The following IQSEC3 variants were observed in gnomAD, a reference collection of about 807,000 sequenced individuals.
IQSEC3 encodes IQ motif and Sec7 domain ArfGEF 3, also known as IQ motif and SEC7 domain-containing protein 3.
In IQSEC3, 50 loss-of-function variants were observed where a neutral mutation model predicts 105.4. The ratio of observed to expected loss-of-function variants is 0.47; its 90% CI spans 0.38 to 0.60. The LOEUF (loss-of-function observed/expected upper bound fraction) is 0.60, where lower values mean the gene tolerates loss of function less well. Among genes scored for constraint, IQSEC3 ranks in the 20% least tolerant of loss-of-function variants. IQSEC3 has a pLI of 0.00. For synonymous variants in IQSEC3, 708 were observed against 746.0 expected (o/e 0.95, Z 0.83); for missense variants, 1,415 against 1,630.0 (o/e 0.87, Z 2.27).
Position 174,829 on chromosome 12 carries a change from C to G in IQSEC3, c.3345C>G (p.Ser1115Arg). ...PCLARMEPLL[S>R]QALSCYTSSS... ...TGGCCCGCATGGAGCCCCTGCTGAG[C>G]CAGGCTCTCTCCTGCTACACCTCGT... The change falls in exon 14 of 14, where the codon AGC becomes AGG. Residue 1115 changes from serine to arginine, a missense_variant. This residue lies in a region of IQSEC3 where 419 missense variants were observed against 436.2 expected (regional missense o/e 0.96). Coordinates refer to ENST00000538872, the MANE Select transcript of IQSEC3 (RefSeq NM_001170738.2). 6.3e-7 allele frequency: 1 copy of G among 1,582,232 alleles called. No individual in the cohort carries two copies. The highest frequency in any genetic ancestry group is 1.3e-5 in the African/African-American group (1 of 74,668).
At chr12:157,914 C>T (rs1555095028) in intron 7 of IQSEC3, among the ~76,000 whole-genome samples, 1 of 152,260 alleles carries the variant, frequency 6.6e-6, no homozygotes, top group Non-Finnish European at 1.5e-5. Context: ...ACAGCAAGCG[C>T]CCTTGGGCAG....
intron 1 of IQSEC3, among the ~76,000 whole-genome samples, chr12:73,125 C>G (rs1863391160): frequency 6.6e-6 from 1 of 151,686 alleles, no homozygotes; most frequent in South Asian, 2.1e-4. Context: ...AAGGCAAGGG[C>G]AAAGCTAAAT....
intron 5 of IQSEC3, among the ~76,000 whole-genome samples, chr12:150,830 G>C (rs1289432032): frequency 1.3e-5 from 2 of 152,204 alleles, no homozygotes; most frequent in Non-Finnish European, 2.9e-5. Context: ...GCAGGGTTCT[G>C]ATTTGTAAGA....
At chr12:97,745 C>T (rs1323606130) in intron 1 of IQSEC3, among the ~76,000 whole-genome samples, 2 of 152,206 alleles carry the variant, frequency 1.3e-5, no homozygotes, top group Non-Finnish European at 2.9e-5. Flanking sequence ...TTACAGTGAG[C>T]TATGATCACA....
rs34286674 is a variant in IQSEC3, at chr12:164,355, C to G, written c.2709+736C>G. Among the ~76,000 whole-genome samples the G allele has an allele frequency of 4.0e-4, 60 of 151,076 alleles. 1 individual carries two copies. The highest frequency in any genetic ancestry group is 7.2e-5 in the African/African-American group (3 of 41,398). ...CCTCCACACGGCTCTCCCCACCCCC[C>G]TGAGAGCAGCAGCGTGATCTCTCTG... On this transcript the variant is annotated intron_variant, in intron 9 of 13. Coordinates refer to ENST00000538872, the MANE Select transcript of IQSEC3 (RefSeq NM_001170738.2).
intron 12 of IQSEC3, among the ~76,000 whole-genome samples, chr12:169,910 T>A (rs955073698): frequency 2.0e-5 from 3 of 152,246 alleles, no homozygotes; most frequent in Non-Finnish European, 4.4e-5. Context: ...CTCGAATGGC[T>A]GCTGCCCTGT....
At chr12:69,421 C>G (rs769486486) in intron 1 of IQSEC3, among the ~76,000 whole-genome samples, 1 of 152,276 alleles carries the variant, frequency 6.6e-6, no homozygotes. Context: ...TTATAATATC[C>G]TCACCTTTCC....
At position 165,764 on chromosome 12, in the gene IQSEC3, T is replaced by A. The variant is rs1211944033; in HGVS notation, c.2845T>A (p.Ser949Thr). The A allele has an allele frequency of 6.2e-7, 1 of 1,613,838 alleles. No individual in the cohort carries two copies. The highest frequency in any genetic ancestry group is 8.5e-7 in the Non-Finnish European group (1 of 1,180,052). The change falls in exon 11 of 14, where the codon TCG becomes ACG. Residue 949 changes from serine (S) to threonine (T), a missense_variant. Transcript: ENST00000538872. ...SHGITLVTPL[S>T]GSEKKQVLHF... is the part of the protein sequence containing the mutation. ...TGGCATCACACTGGTGACCCCGCTC[T>A]CGGGCTCCGAGAAGAAGCAGGTGCT...
intron 2 of IQSEC3, among the ~76,000 whole-genome samples, chr12:101,120 C>T (rs1015285132): frequency 2.6e-5 from 4 of 152,182 alleles, no homozygotes; most frequent in Admixed American, 6.5e-5. Flanking sequence ...CTGGCAGGGG[C>T]GGGCACCAGA....
At chr12:107,938 C>T (rs1864736740) in intron 2 of IQSEC3, among the ~76,000 whole-genome samples, 1 of 152,204 alleles carries the variant, frequency 6.6e-6, no homozygotes, top group African/African-American at 2.4e-5. Flanking sequence ...ACCTCCCATC[C>T]TCAGTTTGAG....
intron 8 of IQSEC3, among the ~76,000 whole-genome samples, chr12:163,095 GAGA>G (rs1409963636): frequency 2.0e-5 from 3 of 151,918 alleles, no homozygotes; most frequent in Non-Finnish European, 4.4e-5. Context: ...GACGAGGAGA[GAGA>G]AGGATGAGAG....
chr12:129,782 G>A (rs1323008188), intron 3 of IQSEC3, among the ~76,000 whole-genome samples: 5 of 152,228 alleles, frequency 3.3e-5, no homozygotes, highest in East Asian at 1.9e-4. Context: ...TCCCCGAGCC[G>A]GGTCCTGGAC....
chr12:121,899 T>C (rs931659306), intron 2 of IQSEC3, among the ~76,000 whole-genome samples: 2 of 152,124 alleles, frequency 1.3e-5, no homozygotes, highest in Non-Finnish European at 2.9e-5. Context: ...AAGTTGTTAT[T>C]AGGATAACTT....
At chr12:170,936 C>T (rs1555100041) in intron 12 of IQSEC3, among the ~76,000 whole-genome samples, 176 bp from the exon 13 acceptor site, 1 of 152,230 alleles carries the variant, frequency 6.6e-6, no homozygotes, top group East Asian at 1.9e-4. Flanking sequence ...AGAGATGTAG[C>T]ATCTCGCCCA....
intron 2 of IQSEC3, among the ~76,000 whole-genome samples, chr12:109,529 G>C (rs934209665): frequency 1.8e-4 from 27 of 152,000 alleles, no homozygotes; most frequent in Non-Finnish European, 2.1e-4. Context: ...ACACCCTCCT[G>C]ACAAACAGCC....
chr12:105,368 G>A (rs1864612147), intron 2 of IQSEC3, among the ~76,000 whole-genome samples: 1 of 152,242 alleles, frequency 6.6e-6, no homozygotes, highest in African/African-American at 2.4e-5. Context: ...TGAAGCCTGG[G>A]CTCTGGGGTG....
intron 2 of IQSEC3, among the ~76,000 whole-genome samples, chr12:110,415 T>C (rs1027631363): frequency 6.6e-6 from 1 of 151,728 alleles, no homozygotes; most frequent in African/African-American, 2.4e-5. Flanking sequence ...GAGTCTTCTC[T>C]TTTTATTGTT....
chr12:167,789 G>T (rs1938751265), intron 11 of IQSEC3: 1 of 152,130 alleles, frequency 6.6e-6, no homozygotes, highest in Admixed American at 6.5e-5. Flanking sequence ...TTCCACAGTG[G>T]GCATCATTTT....
intron 1 of IQSEC3, among the ~76,000 whole-genome samples, chr12:92,767 G>C (rs1394597216): frequency 2.6e-5 from 4 of 152,160 alleles, no homozygotes; most frequent in Non-Finnish European, 5.9e-5. Context: ...CATCTGCCCT[G>C]GTGTGACGAT....
Sources: gnomAD v4.1 joint callset for allele counts (sites outside exome capture counted in the v4.1 genomes callset) on GRCh38, gnomAD v4.1.1 for gene constraint, gnomAD v4.1.1 regional missense constraint, MANE v1.5 for transcripts, NCBI Gene and HGNC (gene_info 2026-07-23, HGNC 2026-07-21) for gene names.